VTI1A: variants seen among roughly 807,000 people sequenced by gnomAD.
VTI1A encodes the protein vesicle transport through interaction with t-SNAREs 1A.
VTI1A carries 22 observed loss-of-function variants against 34.9 expected under a neutral mutation model. The ratio of observed to expected loss-of-function variants is 0.63; its 90% CI spans 0.45 to 0.90. The LOEUF (loss-of-function observed/expected upper bound fraction) is 0.90. VTI1A is among the 40% of genes least tolerant of loss of function. The pLI, the probability that VTI1A is intolerant of heterozygous loss-of-function variation, is 0.00. For missense variants in VTI1A, 268 were observed against 275.6 expected, an observed-to-expected ratio of 0.97 and a Z score of 0.20; for synonymous variants, 87 against 97.3, an observed-to-expected ratio of 0.89 and a Z score of 0.62.
At chr10:112,468,839 T>C (rs1001796335) in intron 3 of VTI1A, among the ~76,000 whole-genome samples, 1 of 152,232 alleles carries the variant, frequency 6.6e-6, no homozygotes, top group African/African-American at 2.4e-5. Context: ...CAACAAGTAC[T>C]GGTTACTTCA....
At chr10:112,516,407 TG>T (rs1849782884) in intron 3 of VTI1A, among the ~76,000 whole-genome samples, 1 of 152,106 alleles carries the variant, frequency 6.6e-6, no homozygotes, top group African/African-American at 2.4e-5. Flanking sequence ...TATTGGCTTT[TG>T]TTGAATATAT....
intron 7 of VTI1A, among the ~76,000 whole-genome samples, chr10:112,785,537 T>C (rs1852260084): frequency 6.6e-6 from 1 of 152,260 alleles, no homozygotes; most frequent in Admixed American, 6.5e-5. Flanking sequence ...ATTTTTAATT[T>C]TATGGATCAT....
the VTI1A span, among the ~76,000 whole-genome samples, chr10:112,836,107 A>G: frequency 6.6e-6 from 1 of 152,234 alleles, no homozygotes; most frequent in African/African-American, 2.4e-5. Flanking sequence ...GCTTGCGTCC[A>G]GCCCTGTCCT....
intron 7 of VTI1A, among the ~76,000 whole-genome samples, chr10:112,769,309 C>A (rs1023872753): frequency 6.6e-6 from 1 of 152,220 alleles, no homozygotes; most frequent in South Asian, 2.1e-4. Flanking sequence ...CCCAACTAGA[C>A]AGTGAGCCCT....
At chr10:112,450,445 C>G (rs901446677) in intron 1 of VTI1A, 5 of 152,002 alleles carry the variant, frequency 3.3e-5, no homozygotes, top group African/African-American at 1.2e-4. Flanking sequence ...TAAAAGTGAC[C>G]CAGAGGAGGT....
the VTI1A span, among the ~76,000 whole-genome samples, chr10:112,835,779 T>C: frequency 2.6e-5 from 4 of 152,208 alleles, no homozygotes; most frequent in Admixed American, 1.3e-4. Flanking sequence ...GGTGTTTTGA[T>C]ATTGGGCTTT....
intron 5 of VTI1A, among the ~76,000 whole-genome samples, chr10:112,616,241 G>A (rs552885747): frequency 6.6e-6 from 1 of 152,194 alleles, no homozygotes; most frequent in Admixed American, 6.5e-5. Context: ...TTAACCACCA[G>A]CACTGCAATC....
At chr10:112,622,871 T>A (rs1027630813) in intron 5 of VTI1A, among the ~76,000 whole-genome samples, 3 of 152,226 alleles carry the variant, frequency 2.0e-5, no homozygotes, top group Non-Finnish European at 4.4e-5. Context: ...ATTCCAATTA[T>A]GAGTATTCCA....
chr10:112,463,073 C>T (rs964629338), intron 2 of VTI1A, among the ~76,000 whole-genome samples: 4 of 152,064 alleles, frequency 2.6e-5, no homozygotes, highest in Admixed American at 6.6e-5. Flanking sequence ...TACAGGCACC[C>T]GCCACCACAC....
At chr10:112,535,733 GT>G (rs1432694920) in intron 4 of VTI1A, among the ~76,000 whole-genome samples, 1 of 152,188 alleles carries the variant, frequency 6.6e-6, no homozygotes, top group Non-Finnish European at 1.5e-5. Context: ...GAGAGAATGA[GT>G]TTGGGATGGA....
chr10:112,831,776 T>A, the VTI1A span: 2 of 152,236 alleles, frequency 1.3e-5, no homozygotes, highest in Non-Finnish European at 2.9e-5. Context: ...ATAGCAATTC[T>A]GCCTAACCTC....
At chr10:112,775,276 T>G (rs561769388) in intron 7 of VTI1A, among the ~76,000 whole-genome samples, 2 of 152,280 alleles carry the variant, frequency 1.3e-5, no homozygotes, top group South Asian at 4.2e-4. Context: ...AGCAAATAGG[T>G]TCCAAGAGCC....
At chr10:112,715,622 C>A (rs1341654596) in intron 7 of VTI1A, among the ~76,000 whole-genome samples, 1 of 152,138 alleles carries the variant, frequency 6.6e-6, no homozygotes, top group African/African-American at 2.4e-5. Context: ...TCATCAAGAG[C>A]TGTAATCAGT....
chr10:112,702,421 G>A (rs1312719725), intron 7 of VTI1A, among the ~76,000 whole-genome samples: 1 of 152,088 alleles, frequency 6.6e-6, no homozygotes, highest in South Asian at 2.1e-4. Context: ...TTTTTTGCTT[G>A]TTCGTTTGTT....
chr10:112,634,633 C>A (rs1305019168), intron 5 of VTI1A, among the ~76,000 whole-genome samples: 1 of 151,458 alleles, frequency 6.6e-6, no homozygotes, highest in African/African-American at 2.4e-5. Flanking sequence ...GATTTATGTC[C>A]CTGTGACAAG....
chr10:112,483,542 C>T (rs575587697), intron 3 of VTI1A, among the ~76,000 whole-genome samples: 29 of 152,156 alleles, frequency 1.9e-4, no homozygotes, highest in Non-Finnish European at 1.9e-4. Flanking sequence ...CAGGATTCCT[C>T]AACCTCAGCA....
intron 3 of VTI1A, among the ~76,000 whole-genome samples, chr10:112,508,137 G>A (rs929265125): frequency 1.3e-5 from 2 of 152,184 alleles, no homozygotes; most frequent in Non-Finnish European, 1.5e-5. Context: ...TGCCTCTTCT[G>A]CTTCTCTGAA....
At chr10:112,807,419 G>C (rs1257696274) in intron 7 of VTI1A, among the ~76,000 whole-genome samples, 1 of 152,174 alleles carries the variant, frequency 6.6e-6, no homozygotes, top group Non-Finnish European at 1.5e-5. Flanking sequence ...TGCAGCTTCT[G>C]GTGGCCCAAC....
At chr10:112,811,145 T>C (rs1853275580) in intron 7 of VTI1A, among the ~76,000 whole-genome samples, 1 of 152,130 alleles carries the variant, frequency 6.6e-6, no homozygotes, top group Non-Finnish European at 1.5e-5. Flanking sequence ...GCAAGTCCAC[T>C]GGGAGTCCAG....
Sources: gnomAD v4.1 joint callset for allele counts (sites outside exome capture counted in the v4.1 genomes callset) on GRCh38, gnomAD v4.1.1 for gene constraint, MANE v1.5 for transcripts, NCBI Gene and HGNC (gene_info 2026-07-23, HGNC 2026-07-21) for gene names.